HSPA4: variants seen among roughly 807,000 people sequenced by gnomAD.
HSPA4 encodes the protein heat shock protein family A (Hsp70) member 4, also known as heat shock 70 kDa protein 4.
HSPA4 carries 25 observed loss-of-function variants against 106.2 expected under a neutral mutation model. The ratio of observed to expected loss-of-function variants is 0.24; its 90% CI spans 0.17 to 0.33. The LOEUF (loss-of-function observed/expected upper bound fraction) is 0.33. Ranked by LOEUF, HSPA4 falls within the 10% of genes least tolerant of loss-of-function variation. The pLI is 1.00. For synonymous variants in HSPA4, 332 were observed against 333.6 expected (o/e 1.00, Z 0.05); for missense variants, 841 against 996.0 (o/e 0.84, Z 2.10).
At chr5:133,061,995 G>A (rs1427613718) in intron 1 of HSPA4, among the ~76,000 whole-genome samples, 2 of 152,068 alleles carry the variant, frequency 1.3e-5, no homozygotes, top group African/African-American at 4.8e-5. Flanking sequence ...CAAAATAGGT[G>A]GAATTTCTAG....
At chr5:133,103,306 C>T (rs1581484017) in intron 17 of HSPA4, among the ~76,000 whole-genome samples, 1 of 151,926 alleles carries the variant, frequency 6.6e-6, no homozygotes, top group Admixed American at 6.6e-5. Flanking sequence ...ATCCTCCTGC[C>T]TCAGCCTCCC....
At chr5:133,073,937 AATGAATT>A in intron 5 of HSPA4, 49 bp from the exon 6 acceptor site, 1 of 1,304,502 alleles carries the variant, frequency 7.7e-7, no homozygotes, top group Non-Finnish European at 1.0e-6. Context: ...TTCCTGCTTA[AATGAATT>A]TTATTTACTT....
Position 133,099,529 on chromosome 5 carries a change from T to A in HSPA4, c.1930-16T>A, listed in dbSNP as rs370096985. 6 of 1,329,324 alleles carry A rather than the reference T, an allele frequency of 4.5e-6. No homozygotes were observed. The highest frequency in any genetic ancestry group is 1.4e-5 in the African/African-American group (1 of 69,466). The allele number at this position is 1,329,324 out of a possible 1,614,324, so 82.3% of individuals were successfully genotyped here. A position where few individuals can be genotyped will look rare whatever the true frequency, so the allele number is the denominator to read the frequency against. On this transcript the variant is annotated splice_polypyrimidine_tract_variant and intron_variant, in intron 15 of 18. Coordinates refer to ENST00000304858, the MANE Select transcript of HSPA4 (RefSeq NM_002154.4). ...ATTTTTGATTGACCTAATTATAATA[T>A]TTTCTTTATCATTAGGATCGTAACA...
chr5:133,080,437 A>C (rs865844242), intron 7 of HSPA4, among the ~76,000 whole-genome samples: 3 of 150,878 alleles, frequency 2.0e-5, no homozygotes, highest in East Asian at 1.9e-4. Context: ...AAAAAAAAAA[A>C]AAAACCCAAT....
intron 3 of HSPA4, among the ~76,000 whole-genome samples, chr5:133,068,992 A>G (rs1328556339): frequency 6.6e-6 from 1 of 152,194 alleles, no homozygotes; most frequent in African/African-American, 2.4e-5. Context: ...AGAACTGTTC[A>G]ATTCTAAACC....
chr5:133,059,634 A>G (rs1249249517), intron 1 of HSPA4, among the ~76,000 whole-genome samples: 1 of 152,124 alleles, frequency 6.6e-6, no homozygotes, highest in Non-Finnish European at 1.5e-5. Context: ...AAAAAAATCC[A>G]AAATGTGTGT....
chr5:133,052,677 G>T (rs1765096709), intron 1 of HSPA4: 1 of 297,898 alleles, frequency 3.4e-6, no homozygotes, highest in South Asian at 9.0e-5. Flanking sequence ...AACGGATCGC[G>T]GTCCTTTTCT....
At chr5:133,099,282 A>G (rs1173998489) in intron 15 of HSPA4, among the ~76,000 whole-genome samples, 1 of 151,810 alleles carries the variant, frequency 6.6e-6, no homozygotes, top group Non-Finnish European at 1.5e-5. Flanking sequence ...GGTGTCTACC[A>G]TCACGCCCGG....
intron 1 of HSPA4, among the ~76,000 whole-genome samples, chr5:133,063,289 A>AT (rs112403169): frequency 0.22 from 33,038 of 146,848 alleles, 3,682 homozygotes; most frequent in South Asian, 0.26. Flanking sequence ...ATTTTTTTGT[A>AT]TTTTTTTTTT....
intron 7 of HSPA4, among the ~76,000 whole-genome samples, chr5:133,078,297 A>G (rs1246632184): frequency 6.7e-6 from 1 of 149,706 alleles, no homozygotes; most frequent in Admixed American, 6.7e-5. Context: ...GCACCACTGC[A>G]CTCCAGCCTG....
At position 133,089,155 on chromosome 5, in the gene HSPA4, G is replaced by T; in HGVS notation, c.1238G>T (p.Gly413Val). ...SLRWNSPAEEGSSDCEVFSKN... is the reference protein window; with the variant it reads ...SLRWNSPAEEVSSDCEVFSKN... ...AGATGGAATTCTCCAGCTGAAGAAGGGTCAAGGTATCATGTTTATTAATCA... is the reference window on the plus strand; with the variant it reads ...AGATGGAATTCTCCAGCTGAAGAAGTGTCAAGGTATCATGTTTATTAATCA... Residue 413 changes from glycine (G) to valine (V), a missense_variant, in exon 10 of 19, where the codon GGG (glycine) becomes GTG (valine). Gly to Val is a moderately radical substitution (Grantham distance 109, BLOSUM62 -3). This residue lies in a region of HSPA4 where 162 missense variants were observed against 177.7 expected (regional missense o/e 0.91). Transcript: ENST00000304858. The T allele has an allele frequency of 3.9e-6, 6 of 1,543,032 alleles. No individual in the cohort carries two copies. Among genetic ancestry groups the T allele is most frequent in the Non-Finnish European group, 5.3e-6 (6 of 1,125,772 alleles).
At chr5:133,100,318 C>T (rs2126717196) in intron 16 of HSPA4, among the ~76,000 whole-genome samples, 1 of 151,996 alleles carries the variant, frequency 6.6e-6, no homozygotes, top group African/African-American at 2.4e-5. Context: ...ATCTGCATGC[C>T]TTGGCCTCCC....
intron 12 of HSPA4, among the ~76,000 whole-genome samples, chr5:133,091,895 A>C (rs546015532): frequency 1.3e-4 from 20 of 152,188 alleles, no homozygotes; most frequent in East Asian, 7.7e-4. Context: ...ACAACAACAA[A>C]AAAACTAGCC....
chr5:133,101,921 CTTTTTTTTTTTTT>C, intron 17 of HSPA4, 43 bp downstream of exon 17: 4 of 716,266 alleles, frequency 5.6e-6, no homozygotes, highest in African/African-American at 4.9e-5. Flanking sequence ...GTAAAGTTAA[CTTTTTTTTTTTTT>C]TTTTTTTTTT....
Position 133,074,096 on chromosome 5 carries a change from T to C in HSPA4, c.633T>C (p.Ser211=), listed in dbSNP as rs371614765. Residue 211 remains serine (S), a synonymous_variant, in exon 6 of 19, where the codon TCT becomes TCC. Coordinates refer to ENST00000304858, the MANE Select transcript of HSPA4 (RefSeq NM_002154.4). The part of the protein sequence containing the change: ...VDMGHSAYQV[S]VCAFNRGKLK... ...TGGGCCACTCTGCTTATCAAGTTTC[T>C]GTATGTGCATTTAATAGAGGAAAAC... 3.1e-6 allele frequency: 5 copies of C among 1,603,498 alleles called. No individual in the cohort carries two copies. The African/African-American group carries it at 4.0e-5, about 13-fold the overall frequency.
At chr5:133,086,679 C>T (rs1201489301) in intron 7 of HSPA4, 103 bp from the exon 8 acceptor site, 11 of 770,050 alleles carry the variant, frequency 1.4e-5, no homozygotes, top group Non-Finnish European at 2.2e-5. Flanking sequence ...CACATTTTGC[C>T]AGCACTTGTT....
chr5:133,069,402 A>G (rs1211883668), intron 3 of HSPA4, among the ~76,000 whole-genome samples: 1 of 152,102 alleles, frequency 6.6e-6, no homozygotes, highest in Non-Finnish European at 1.5e-5. Context: ...GGCATGGACC[A>G]TCATGCCCAG....
intron 4 of HSPA4, among the ~76,000 whole-genome samples, chr5:133,072,392 G>GTT (rs748459297): frequency 0.069 from 5,242 of 75,606 alleles, 319 homozygotes; most frequent in Non-Finnish European, 0.089. Context: ...GTCCAGGGTT[G>GTT]TTTTTTTTTT....
At chr5:133,072,126 G>A (rs1765389406) in intron 4 of HSPA4, among the ~76,000 whole-genome samples, 1 of 152,144 alleles carries the variant, frequency 6.6e-6, no homozygotes, top group Non-Finnish European at 1.5e-5. Flanking sequence ...TGTTTGGGTG[G>A]GGCCTCAAGA....
Sources: allele counts gnomAD v4.1 joint callset (sites outside exome capture counted in the v4.1 genomes callset), GRCh38; gene constraint gnomAD v4.1.1; regional missense constraint gnomAD v4.1.1; transcripts MANE v1.5; gene names NCBI Gene and HGNC (gene_info 2026-07-23, HGNC 2026-07-21).